EPHX4: variants seen among roughly 807,000 people sequenced by gnomAD.
The protein encoded by EPHX4 is epoxide hydrolase 4.
EPHX4 carries 31 observed loss-of-function variants against 44.9 expected under a neutral mutation model. The ratio of observed to expected loss-of-function variants is 0.69; its 90% CI spans 0.52 to 0.93. The LOEUF (loss-of-function observed/expected upper bound fraction) is 0.93. EPHX4 is among the 40% of genes least tolerant of loss of function. EPHX4 has a pLI of 0.00. For missense variants in EPHX4, 373 were observed against 438.1 expected (o/e 0.85, Z 1.33); for synonymous variants, 151 against 159.7 (o/e 0.95, Z 0.41).
chr1:92,059,107 C>T (rs371699072), intron 6 of EPHX4, among the ~76,000 whole-genome samples: 5 of 152,210 alleles, frequency 3.3e-5, no homozygotes, highest in African/African-American at 1.2e-4. Flanking sequence ...TGTGATGAAA[C>T]ACTAAAAGCA....
intron 2 of EPHX4, among the ~76,000 whole-genome samples, chr1:92,035,912 T>C (rs1382822729): frequency 6.6e-6 from 1 of 152,192 alleles, no homozygotes; most frequent in Non-Finnish European, 1.5e-5. Context: ...CCCTTGTTTT[T>C]GAAAGTCAGG....
chr1:92,042,795 AT>A, intron 2 of EPHX4, 27 bp from the exon 3 acceptor site: 1 of 1,591,236 alleles, frequency 6.3e-7, no homozygotes. Flanking sequence ...CTAATATGAT[AT>A]TTTAAATGCT....
intron 5 of EPHX4, among the ~76,000 whole-genome samples, chr1:92,051,259 A>C (rs1647245673): frequency 6.6e-6 from 1 of 151,690 alleles, no homozygotes; most frequent in Non-Finnish European, 1.5e-5. Flanking sequence ...AAAAAAAAAA[A>C]ACCCAATGCC....
chr1:92,037,219 ATGAAT>A (rs1688451595), intron 2 of EPHX4, among the ~76,000 whole-genome samples: 1 of 151,862 alleles, frequency 6.6e-6, no homozygotes, highest in Middle Eastern at 3.4e-3. Flanking sequence ...ACAAAAAAAA[ATGAAT>A]TGATAATGTG....
chr1:92,051,029 T>C (rs1165778960), intron 5 of EPHX4, among the ~76,000 whole-genome samples: 1 of 152,028 alleles, frequency 6.6e-6, no homozygotes, highest in African/African-American at 2.4e-5. Context: ...GACTGGGTTT[T>C]ACCATGTTGC....
chr1:92,063,517 T>C lies in EPHX4; in HGVS notation c.*231T>C, dbSNP rs1457918282. 3.1e-6 allele frequency: 1 copy of C among 321,504 alleles called. No homozygotes were observed. Among genetic ancestry groups the C allele is most frequent in the African/African-American group, 2.1e-5 (1 of 47,592 alleles). The allele number at this position is 321,504 out of a possible 1,614,324, so 19.9% of individuals were successfully genotyped here. A position where few individuals can be genotyped will look rare whatever the true frequency, so the allele number is the denominator to read the frequency against. On this transcript the variant is annotated 3_prime_UTR_variant, in exon 7 of 7. Transcript: ENST00000370383. Reference sequence around the variant, plus strand: ...ACAGACAAGCATCTGCCTTAAAATATATACACTTGTACAAAAAGGAAGTTT... The same window carrying C: ...ACAGACAAGCATCTGCCTTAAAATACATACACTTGTACAAAAAGGAAGTTT...
chr1:92,044,052 T>C (rs1688549941), intron 3 of EPHX4, among the ~76,000 whole-genome samples: 1 of 152,164 alleles, frequency 6.6e-6, no homozygotes, highest in Non-Finnish European at 1.5e-5. Context: ...TTTTTAACAA[T>C]AATCCAATCT....
At chr1:92,045,076 C>T (rs1160977088) in intron 3 of EPHX4, among the ~76,000 whole-genome samples, 1 of 152,152 alleles carries the variant, frequency 6.6e-6, no homozygotes, top group Non-Finnish European at 1.5e-5. Flanking sequence ...GATCCTCCCA[C>T]TCCAGGCTCT....
intron 4 of EPHX4, among the ~76,000 whole-genome samples, chr1:92,048,363 G>T (rs952792859): frequency 2.0e-5 from 3 of 152,170 alleles, no homozygotes; most frequent in African/African-American, 7.2e-5. Context: ...TGGTGGTGGT[G>T]CTATATGGAC....
chr1:92,045,071 TC>T (rs1262466855), intron 3 of EPHX4, among the ~76,000 whole-genome samples: 2 of 152,102 alleles, frequency 1.3e-5, no homozygotes, highest in Admixed American at 6.5e-5. Flanking sequence ...CAAGGGATCC[TC>T]CCACTCCAGG....
At chr1:92,057,130 GA>G (rs1169666610) in intron 6 of EPHX4, among the ~76,000 whole-genome samples, 1 of 151,884 alleles carries the variant, frequency 6.6e-6, no homozygotes, top group African/African-American at 2.4e-5. Flanking sequence ...TAAGAAGTTA[GA>G]AAAAGAACAT....
At chr1:92,040,817 A>C (rs1192647803) in intron 2 of EPHX4, among the ~76,000 whole-genome samples, 1 of 152,006 alleles carries the variant, frequency 6.6e-6, no homozygotes, top group Non-Finnish European at 1.5e-5. Context: ...CCCCCCTCTC[A>C]GGCTTATAAT....
chr1:92,034,606 T>C (rs1206485296), intron 2 of EPHX4, among the ~76,000 whole-genome samples: 1 of 151,546 alleles, frequency 6.6e-6, no homozygotes, highest in Non-Finnish European at 1.5e-5. Flanking sequence ...TGATTTAAAA[T>C]GCATCTAGTG....
chr1:92,063,355 C>T lies in EPHX4; in HGVS notation c.*69C>T. On this transcript the variant is annotated 3_prime_UTR_variant, in exon 7 of 7. Transcript: ENST00000370383. ...ATAATTTTTAAAAATTGTTCATCAA[C>T]TTCTTTATGTTTTATTAGAAAAAAA... The T allele has an allele frequency of 8.5e-7, 1 of 1,178,520 alleles. No homozygotes were observed. Among genetic ancestry groups the T allele is most frequent in the South Asian group, 1.8e-5 (1 of 56,288 alleles). The allele number at this position is 1,178,520 out of a possible 1,614,324, so 73.0% of individuals were successfully genotyped here. A position where few individuals can be genotyped will look rare whatever the true frequency, so the allele number is the denominator to read the frequency against.
chr1:92,045,428 G>A, intron 3 of EPHX4, 104 bp from the exon 4 acceptor site: 5 of 1,402,558 alleles, frequency 3.6e-6, no homozygotes, highest in Non-Finnish European at 4.9e-6. Flanking sequence ...ATTAGGATAA[G>A]ATAATGAAAA....
At chr1:92,046,656 G>C (rs1688586112) in intron 4 of EPHX4, among the ~76,000 whole-genome samples, 1 of 152,084 alleles carries the variant, frequency 6.6e-6, no homozygotes, top group Non-Finnish European at 1.5e-5. Context: ...TAGAGACAGG[G>C]TTTCGCCGTG....
intron 1 of EPHX4, 55 bp from the exon 2 acceptor site, chr1:92,032,450 A>G (rs1176920596): frequency 2.3e-6 from 3 of 1,309,060 alleles, no homozygotes; most frequent in African/African-American, 2.9e-5. Flanking sequence ...TGCTAAATAT[A>G]TTGCTTTGTC....
At chr1:92,038,318 A>G (rs1688468831) in intron 2 of EPHX4, among the ~76,000 whole-genome samples, 1 of 152,252 alleles carries the variant, frequency 6.6e-6, no homozygotes, top group Admixed American at 6.5e-5. Flanking sequence ...AACAACGTGC[A>G]GTTCAACAGA....
intron 2 of EPHX4, among the ~76,000 whole-genome samples, chr1:92,039,287 A>T (rs147926892): frequency 6.6e-6 from 1 of 152,362 alleles, no homozygotes; most frequent in Non-Finnish European, 1.5e-5. Context: ...TAGAAGATAG[A>T]GCAGAGGGGA....
Sources: allele counts gnomAD v4.1 joint callset (sites outside exome capture counted in the v4.1 genomes callset), GRCh38; gene constraint gnomAD v4.1.1; transcripts MANE v1.5; gene names NCBI Gene and HGNC (gene_info 2026-07-23, HGNC 2026-07-21).